Variants in LYST observed in about 807,000 individuals in gnomAD.
LYST encodes lysosomal-trafficking regulator.
LYST carries 192 observed loss-of-function variants against 413.6 expected under a neutral mutation model. That is an observed-to-expected ratio of 0.46 (90% confidence interval 0.41 to 0.52). The LOEUF (loss-of-function observed/expected upper bound fraction) is 0.52, where lower values mean the gene tolerates loss of function less well. LYST is among the 20% of genes least tolerant of loss of function. The probability of loss-of-function intolerance (pLI) is 0.00; values close to 1 mark genes in which losing one functional copy is unlikely to be tolerated. For missense variants in LYST, 3,815 were observed against 4,499.9 expected (o/e 0.85, Z 4.35); for synonymous variants, 1,525 against 1,567.3 (o/e 0.97, Z 0.64).
chr1:235,867,360 G>C (rs1252338677), upstream of LYST, among the ~76,000 whole-genome samples: 1 of 151,892 alleles, frequency 6.6e-6, no homozygotes, highest in African/African-American at 2.4e-5. Context: ...GATGAAGATA[G>C]AAGAAATAAC....
At position 235,687,015 on chromosome 1, in the gene LYST, G is replaced by C. The variant is rs1483370237; in HGVS notation, c.10734C>G (p.Cys3578Trp). 9.9e-6 allele frequency: 16 copies of C among 1,613,762 alleles called. No homozygotes were observed. The highest frequency in any genetic ancestry group is 1.4e-5 in the Non-Finnish European group (16 of 1,179,900). The change falls in exon 48 of 53, where the codon TGC becomes TGG. Residue 3578 changes from cysteine (C) to tryptophan (W), a missense_variant. Coordinates refer to ENST00000389793, the MANE Select transcript of LYST (RefSeq NM_000081.4). ...CGCATTTGCTTCCAGTAAACAGCTG[G>C]CAACTGTCAGGCACCCAAGCACAAC... ...VTSCAWVPDS[C>W]QLFTGSKCGV...
intron 1 of LYST, among the ~76,000 whole-genome samples, chr1:235,882,134 G>A (rs912738222): frequency 6.7e-6 from 1 of 149,192 alleles, no homozygotes; most frequent in South Asian, 2.1e-4. Context: ...ACTTAACCCA[G>A]ATCTGGAGGA....
Position 235,720,986 on chromosome 1 carries a change from A to G in LYST, c.9316-81T>C, listed in dbSNP as rs1663310604. On this transcript the variant is annotated intron_variant, in intron 39 of 52. Coordinates refer to ENST00000389793, the MANE Select transcript of LYST (RefSeq NM_000081.4). Reference sequence around the variant, plus strand: ...TTTTCTCCAAAGAACCCATGACATTATAGACATGTTACAAATCTCATGTCC... The same window carrying G: ...TTTTCTCCAAAGAACCCATGACATTGTAGACATGTTACAAATCTCATGTCC... 2.2e-6 allele frequency: 3 copies of G among 1,384,696 alleles called. No homozygotes were observed. The Admixed American group carries it at 5.1e-5, about 23-fold the overall frequency. 85.8% of individuals were successfully genotyped at this position (1,384,696 alleles called of 1,614,324 possible). A position where few individuals can be genotyped will look rare whatever the true frequency, so the allele number is the denominator to read the frequency against.
Position 235,806,623 on chromosome 1 carries a change from T to A in LYST, c.2513A>T (p.Asp838Val), listed in dbSNP as rs1201709044. The A allele has an allele frequency of 7.4e-6, 12 of 1,614,094 alleles. No individual in the cohort carries two copies. The highest frequency in any genetic ancestry group is 1.0e-5 in the Non-Finnish European group (12 of 1,179,988). Residue 838 changes from aspartate (D) to valine (V), a missense_variant, in exon 6 of 53, where the codon GAT becomes GTT. Coordinates refer to ENST00000389793, the MANE Select transcript of LYST (RefSeq NM_000081.4). Reference protein sequence around the residue: ...GEQQKDASVPDIDGIDIEQKE... With the variant: ...GEQQKDASVPVIDGIDIEQKE... ...CTGTTCAATGTCTATCCCATCAATA[T>A]CTGGAACTGAGGCATCTTTCTGTTG...
chr1:235,787,148 A>G lies in LYST; in HGVS notation c.4862+52T>C, dbSNP rs978025044. ...TTCAGAAGCTATAATTGACTAATGA[A>G]ACATAACATTGTAACTGAGATTGAG... On this transcript the variant is annotated intron_variant, in intron 14 of 52. Transcript: ENST00000389793. 15 of 1,382,628 alleles carry G rather than the reference A, an allele frequency of 1.1e-5. No individual in the cohort carries two copies. In the African/African-American group the frequency reaches 2.0e-4, roughly 18 times the overall value. The allele number at this position is 1,382,628 out of a possible 1,614,324, so 85.6% of individuals were successfully genotyped here. A position where few individuals can be genotyped will look rare whatever the true frequency, so the allele number is the denominator to read the frequency against.
intron 1 of LYST, among the ~76,000 whole-genome samples, chr1:235,881,465 C>G (rs1353856606): frequency 1.3e-5 from 2 of 152,308 alleles, no homozygotes; most frequent in East Asian, 3.9e-4. Flanking sequence ...TCCAACAATT[C>G]CACTTCCGGT....
Position 235,810,226 on chromosome 1 carries a change from G to A in LYST, c.592C>T (p.Gln198Ter). The A allele has an allele frequency of 6.2e-7, 1 of 1,614,080 alleles. No individual in the cohort carries two copies. Among genetic ancestry groups the A allele is most frequent in the East Asian group, 2.2e-5 (1 of 44,878 alleles). Residue 198 changes from glutamine to a stop codon, truncating the protein, a stop_gained, in exon 5 of 53, where the codon CAA (glutamine) becomes TAA (stop). Transcript: ENST00000389793. LOFTEE classifies it high-confidence loss of function. The stretch of plus-strand genomic sequence containing the variant: ...TCAAGTTTAGCTTTGGGGTGGTCTT[G>A]TTTAGGAAACGATGTTAAAAAATGA... ...LHHFLTSFPK[Q>*]DHPKAKLDRL...
intron 39 of LYST, 142 bp downstream of exon 39, chr1:235,723,886 C>T (rs1378695235): frequency 1.4e-6 from 1 of 710,776 alleles, no homozygotes; most frequent in South Asian, 1.8e-5. Context: ...CCTCATATAA[C>T]AAAGGCTTCA....
intron 3 of LYST, among the ~76,000 whole-genome samples, chr1:235,817,120 T>G (rs975721353): frequency 6.6e-6 from 1 of 151,402 alleles, no homozygotes; most frequent in Non-Finnish European, 1.5e-5. Context: ...TATGAAAAAA[T>G]GCTCAACATC....
chr1:235,835,114 G>A (rs1676428734), intron 1 of LYST, among the ~76,000 whole-genome samples: 1 of 150,462 alleles, frequency 6.6e-6, no homozygotes, highest in Non-Finnish European at 1.5e-5. Flanking sequence ...GGGGGGTTTC[G>A]CCACATTGGC....
intron 47 of LYST, among the ~76,000 whole-genome samples, chr1:235,692,442 G>A (rs113505693): frequency 0.051 from 7,789 of 151,402 alleles, 631 homozygotes; most frequent in African/African-American, 0.17. Flanking sequence ...ATGCAATGGC[G>A]TGATCTTGGC....
In LYST at chr1:235,808,944, C is replaced by G; in HGVS notation, c.1874G>C (p.Gly625Ala). The G allele has an allele frequency of 6.2e-7, 1 of 1,613,766 alleles. No homozygotes were observed. Among genetic ancestry groups the G allele is most frequent in the Non-Finnish European group, 8.5e-7 (1 of 1,179,822 alleles). Residue 625 changes from glycine to alanine, a missense_variant, in exon 5 of 53, where the codon GGA becomes GCA. Gly to Ala is a moderately conservative substitution (Grantham distance 60). This residue lies in a region of LYST where 1,648 missense variants were observed against 1,810.3 expected (regional missense o/e 0.91). Transcript: ENST00000389793. ...LNKLILDQLG[G>A]AEISPKIKKA... ...TTTAATTTTTGGTGATATCTCTGCTCCTCCTAACTGATCCAAAATAAGTTT... is the reference window on the plus strand; with the variant it reads ...TTTAATTTTTGGTGATATCTCTGCTGCTCCTAACTGATCCAAAATAAGTTT...
At chr1:235,719,963 G>A (rs1663204527) in intron 40 of LYST, among the ~76,000 whole-genome samples, 2 of 151,938 alleles carry the variant, frequency 1.3e-5, no homozygotes, top group Admixed American at 6.6e-5. Context: ...GGATCACAAG[G>A]TCAAGAGATA....
chr1:235,663,224 G>A, intron 52 of LYST, 146 bp from the exon 53 acceptor site: 1 of 675,230 alleles, frequency 1.5e-6, no homozygotes, highest in South Asian at 1.6e-5. Flanking sequence ...CAACTCATTG[G>A]TTTTGACTGT....
At chr1:235,665,667 T>C (rs1658386107) in intron 50 of LYST, among the ~76,000 whole-genome samples, 1 of 149,050 alleles carries the variant, frequency 6.7e-6, no homozygotes, top group Non-Finnish European at 1.5e-5. Context: ...AAAAAAGGTG[T>C]AGTAAAAATT....
intron 16 of LYST, among the ~76,000 whole-genome samples, chr1:235,778,363 C>T (rs1168112459): frequency 5.3e-5 from 8 of 150,854 alleles, no homozygotes; most frequent in African/African-American, 2.0e-4. Flanking sequence ...TTAGATTATT[C>T]TTATTATTTA....
rs67988872 is a variant in LYST at position 235,799,928 on chromosome 1, CTTTTTTTTTTTTTTTTTTTTTTTTTTTT to C, written c.4006+364_4006+391del. On this transcript the variant is annotated intron_variant, in intron 10 of 52. Coordinates refer to ENST00000389793, the MANE Select transcript of LYST (RefSeq NM_000081.4). ...CACAGAGCACTATGCCAATGGAAGCCTTTTTTTTTTTTTTTTTTTTTTTTTTTTTTTTTTTTTTTTTTTTTTGAGACAG... is the reference window on the plus strand; with the variant it reads ...CACAGAGCACTATGCCAATGGAAGCCTTTTTTTTTTTTTTTTTTGAGACAG... Among the ~76,000 whole-genome samples, 175 of 63,498 alleles carry C rather than the reference CTTTTTTTTTTTTTTTTTTTTTTTTTTTT, an allele frequency of 2.8e-3. 1 individual carries two copies. The highest frequency in any genetic ancestry group is 3.4e-3 in the Non-Finnish European group (121 of 35,142). 41.7% of individuals were successfully genotyped at this position (63,498 alleles called of 152,430 possible). A position where few individuals can be genotyped will look rare whatever the true frequency, so the allele number is the denominator to read the frequency against.
intron 31 of LYST, chr1:235,738,540 C>T (rs754589763): frequency 6.2e-7 from 1 of 1,611,548 alleles, no homozygotes; most frequent in East Asian, 2.2e-5. Context: ...GCTGGGAGTT[C>T]ACACATTAAG....
At chr1:235,811,893 A>G (rs1365509831) in intron 4 of LYST, among the ~76,000 whole-genome samples, 1 of 152,180 alleles carries the variant, frequency 6.6e-6, no homozygotes, top group Non-Finnish European at 1.5e-5. Flanking sequence ...AAATAAAAGC[A>G]GAGAGTTAGT....
Sources: gnomAD v4.1 joint callset for allele counts (sites outside exome capture counted in the v4.1 genomes callset) on GRCh38, gnomAD v4.1.1 for gene constraint, gnomAD v4.1.1 regional missense constraint, MANE v1.5 for transcripts, NCBI Gene and HGNC (gene_info 2026-07-23, HGNC 2026-07-21) for gene names.